PYGM: variants seen among roughly 807,000 people sequenced by gnomAD.
PYGM encodes the protein glycogen phosphorylase, muscle associated.
A neutral mutation model predicts 99.3 loss-of-function variants in PYGM; 81 were observed. The observed-to-expected ratio is 0.82, with a 90% CI of 0.68 to 0.98. PYGM has a LOEUF of 0.98. Ranked by LOEUF, PYGM falls within the 50% of genes least tolerant of loss-of-function variation. The pLI is 0.00. For missense variants in PYGM, 1,030 were observed against 1,158.1 expected, an observed-to-expected ratio of 0.89 and a Z score of 1.61; for synonymous variants, 436 against 451.5, an observed-to-expected ratio of 0.97 and a Z score of 0.44.
In PYGM at chr11:64,758,428, T is replaced by A; in HGVS notation, c.424+9A>T. On this transcript the variant is annotated intron_variant, in intron 3 of 19. Transcript: ENST00000164139. ...GGCCCACTCCACCCTCACGGCCCTG[T>A]CTTCTTACCTGCCAGCCGGCCCAGG... 1.2e-6 allele frequency: 2 copies of A among 1,613,556 alleles called. No individual in the cohort carries two copies. Among genetic ancestry groups the A allele is most frequent in the South Asian group, 1.1e-5 (1 of 91,082 alleles).
At chr11:64,758,124 AG>A in intron 4 of PYGM, 121 bp downstream of exon 4, 1 of 1,374,106 alleles carries the variant, frequency 7.3e-7, no homozygotes, top group East Asian at 2.3e-5. Flanking sequence ...GGGGGTGGGG[AG>A]CAGCAAGGAT....
At chr11:64,756,562 G>A (rs528297637) in intron 5 of PYGM, among the ~76,000 whole-genome samples, 1 of 152,166 alleles carries the variant, frequency 6.6e-6, no homozygotes, top group East Asian at 1.9e-4. Context: ...GCGATTCTCT[G>A]GCTTCAGCCT....
chr11:64,755,632 G>C lies in PYGM; in HGVS notation c.661-74C>G, dbSNP rs771362601. On this transcript the variant is annotated intron_variant, in intron 5 of 19. Coordinates refer to ENST00000164139, the MANE Select transcript of PYGM (RefSeq NM_005609.4). The surrounding 1 kb of genome is among the most constrained non-coding windows in gnomAD (Gnocchi z 4.1). ...CCCTCCCCTCAGGGCTGGGACTCAA[G>C]GCTTTATCCCTGCACTCTGCAGACC... 5.0e-5 allele frequency: 59 copies of C among 1,188,624 alleles called. No homozygotes were observed. The highest frequency in any genetic ancestry group is 6.9e-5 in the Non-Finnish European group (56 of 808,830). The allele number at this position is 1,188,624 out of a possible 1,614,324, so 73.6% of individuals were successfully genotyped here.
At chr11:64,758,011 C>G in intron 4 of PYGM, 101 bp from the exon 5 acceptor site, 1 of 1,545,448 alleles carries the variant, frequency 6.5e-7, no homozygotes, top group Non-Finnish European at 8.8e-7. Context: ...GTGTACCCTA[C>G]ACCAAGTATA....
chr11:64,759,583 A>G (rs1433474801), intron 1 of PYGM, 73 bp downstream of exon 1: 1 of 1,597,642 alleles, frequency 6.3e-7, no homozygotes, highest in Non-Finnish European at 8.5e-7. Flanking sequence ...AGGGGCAGCC[A>G]CTTAAGTCAA....
At chr11:64,750,309 G>A (rs1345151482) in intron 17 of PYGM, 67 bp downstream of exon 17, 3 of 1,566,044 alleles carry the variant, frequency 1.9e-6, no homozygotes, top group Middle Eastern at 1.7e-4. Context: ...CGTGCCGCTT[G>A]CTCCCAGCAC....
rs369313102 is a variant in PYGM, at chr11:64,753,879, G to C, written c.1239C>G (p.Asn413Lys). The change falls in exon 10 of 20, where the codon AAC (asparagine) becomes AAG (lysine). Residue 413 changes from asparagine to lysine, a missense_variant and splice_region_variant. Asn to Lys is a moderately conservative substitution (Grantham distance 94). Transcript: ENST00000164139. ...CCATCCCCCAAGCCTCCGGACTCAC[G>C]TTGAGGAAGCGCTGGTTGATCTCGT... ...IIYEINQRFLNRVAAAFPGDV... is the reference protein window; with the variant it reads ...IIYEINQRFLKRVAAAFPGDV... The C allele has an allele frequency of 1.3e-6, 2 of 1,571,274 alleles. No individual in the cohort carries two copies. The highest frequency in any genetic ancestry group is 1.7e-6 in the Non-Finnish European group (2 of 1,158,052).
intron 12 of PYGM, 101 bp from the exon 13 acceptor site, chr11:64,752,605 A>G: frequency 8.0e-7 from 1 of 1,256,180 alleles, no homozygotes; most frequent in Non-Finnish European, 1.1e-6. Context: ...TTCACCCAGC[A>G]GGCTGCTCTG....
chr11:64,747,814 G>A (rs1028228489), intron 17 of PYGM: 22 of 262,318 alleles, frequency 8.4e-5, no homozygotes, highest in Non-Finnish European at 1.4e-4. Context: ...CGAGGTGGGC[G>A]GATCATCTGA....
At chr11:64,753,298 C>T in intron 11 of PYGM, 111 bp from the exon 12 acceptor site, 1 of 1,257,934 alleles carries the variant, frequency 7.9e-7, no homozygotes, top group African/African-American at 1.5e-5. Context: ...GCAGGGAATG[C>T]AGACCTGGGG....
Position 64,747,002 on chromosome 11 carries a change from A to C in PYGM, c.2313-15T>G. ...AGACTTTAAACCTGGAGGGGAAAGG[A>C]TAGGCATGTGCTATTCCTTTAGGGG... On this transcript the variant is annotated splice_polypyrimidine_tract_variant and intron_variant, in intron 18 of 19. Transcript: ENST00000164139. 6.2e-7 allele frequency: 1 copy of C among 1,613,598 alleles called. No homozygotes were observed. The highest frequency in any genetic ancestry group is 1.3e-5 in the African/African-American group (1 of 75,040).
chr11:64,759,602 G>A, intron 1 of PYGM, 54 bp downstream of exon 1: 1 of 1,606,372 alleles, frequency 6.2e-7, no homozygotes, highest in Non-Finnish European at 8.5e-7. Flanking sequence ...AAGATCGCCA[G>A]CTCCCTGGCA....
intron 17 of PYGM, chr11:64,747,651 C>A: frequency 2.3e-6 from 1 of 437,508 alleles, no homozygotes; most frequent in East Asian, 4.8e-5. Context: ...TGTCTCTTAA[C>A]CAGTTTGTTT....
chr11:64,753,839 C>G, intron 10 of PYGM, 40 bp downstream of exon 10: 1 of 1,550,804 alleles, frequency 6.4e-7, no homozygotes, highest in Non-Finnish European at 8.7e-7. Flanking sequence ...CTGGGTGTCC[C>G]CCCTCACCCC....
At chr11:64,752,525 G>T in intron 12 of PYGM, 21 bp from the exon 13 acceptor site, 1 of 1,603,122 alleles carries the variant, frequency 6.2e-7, no homozygotes, top group Non-Finnish European at 8.5e-7. Flanking sequence ...ACGGCTCTCA[G>T]CCAAGCCCAT....
At chr11:64,759,562 C>T (rs1006032249) in intron 1 of PYGM, 94 bp downstream of exon 1, 159 of 1,574,308 alleles carry the variant, frequency 1.0e-4, no homozygotes, top group Non-Finnish European at 1.3e-4. Flanking sequence ...CCCCAAGAAC[C>T]TAGAGTGACG....
Position 64,755,191 on chromosome 11 carries a change from A to G in PYGM, c.855+82T>C. On this transcript the variant is annotated intron_variant, in intron 7 of 19. Transcript: ENST00000164139. This position sits in a 1 kb window ranked among gnomAD's most constrained non-coding sequence, Gnocchi z 4.1. ...ATGCCCTGGGTGTGACTAGGGCACC[A>G]GCAAGTGTCCTTCCCCAGCTCTCCC... 20 of 1,457,850 alleles carry G rather than the reference A, an allele frequency of 1.4e-5. No homozygotes were observed. The highest frequency in any genetic ancestry group is 1.8e-5 in the Non-Finnish European group (19 of 1,041,406). The allele number at this position is 1,457,850 out of a possible 1,614,324, so 90.3% of individuals were successfully genotyped here.
chr11:64,751,768 C>A, intron 14 of PYGM, 113 bp from the exon 15 acceptor site: 1 of 1,511,412 alleles, frequency 6.6e-7, no homozygotes, highest in South Asian at 1.1e-5. Flanking sequence ...ACTTGCTATG[C>A]TCTCTTAGCC....
rs562115159 is a variant in PYGM, at chr11:64,758,730, G to C, written c.244-26C>G. On this transcript the variant is annotated intron_variant, in intron 1 of 19. Coordinates refer to ENST00000164139, the MANE Select transcript of PYGM (RefSeq NM_005609.4). ...CTGCCCAGAGAGACGGATGGGCAGG[G>C]AATGGGGTCAGGGCCACACACCAAC... 3.4e-5 allele frequency: 54 copies of C among 1,565,490 alleles called. No individual in the cohort carries two copies. In the South Asian group the frequency reaches 4.7e-4, roughly 14 times the overall value.
Sources: allele counts gnomAD v4.1 joint callset (sites outside exome capture counted in the v4.1 genomes callset), GRCh38; gene constraint gnomAD v4.1.1; non-coding constraint Gnocchi (gnomAD v3.1); transcripts MANE v1.5; gene names NCBI Gene and HGNC (gene_info 2026-07-23, HGNC 2026-07-21).